Variants in SPTBN1 observed in about 807,000 individuals in gnomAD.
SPTBN1 encodes the protein spectrin beta, non-erythrocytic 1.
A neutral mutation model predicts 266.4 loss-of-function variants in SPTBN1; 32 were observed. That is an observed-to-expected ratio of 0.12 (90% CI 0.09 to 0.16). The LOEUF (loss-of-function observed/expected upper bound fraction) is 0.16. Among genes scored for constraint, SPTBN1 ranks in the 10% least tolerant of loss-of-function variants. SPTBN1 has a pLI of 1.00. For missense variants in SPTBN1, 2,296 were observed against 3,067.1 expected (o/e 0.75, Z 5.94); for synonymous variants, 1,336 against 1,162.2 (o/e 1.15, Z -3.04).
rs1196057367 is a variant in SPTBN1, at chr2:54,668,986, T to TG, written c.*419dup. 6 of 216,404 alleles carry TG rather than the reference T, an allele frequency of 2.8e-5. No individual in the cohort carries two copies. Among genetic ancestry groups the TG allele is most frequent in the Non-Finnish European group, 5.6e-5 (6 of 106,810 alleles). 13.4% of individuals were successfully genotyped at this position (216,404 alleles called of 1,614,324 possible). ...CCATTCTCTCTCCATTTACTTCTGG[T>TG]GGTTACCCTGACTCTTGACTCTTAG... On this transcript the variant is annotated 3_prime_UTR_variant, in exon 36 of 36. Coordinates refer to ENST00000356805, the MANE Select transcript of SPTBN1 (RefSeq NM_003128.3).
At chr2:54,529,634 G>A (rs749223442) in intron 2 of SPTBN1, 5 of 705,166 alleles carry the variant, frequency 7.1e-6, no homozygotes, top group Middle Eastern at 7.0e-4. Context: ...CAACACCCTT[G>A]TGTTCACTGT....
In SPTBN1 at chr2:54,631,592, A is replaced by C; in HGVS notation, c.3545A>C (p.Glu1182Ala). 6.2e-7 allele frequency: 1 copy of C among 1,611,544 alleles called. No individual in the cohort carries two copies. Among genetic ancestry groups the C allele is most frequent in the Non-Finnish European group, 8.5e-7 (1 of 1,178,520 alleles). Residue 1182 changes from glutamate (E) to alanine (A), a missense_variant, in exon 16 of 36, where the codon GAA becomes GCA. Physicochemically the swap from Glu to Ala is moderately radical, Grantham distance 107 (BLOSUM62 -1). Around this residue, in one of 12 missense-constraint regions of SPTBN1, gnomAD observed 386 missense variants for 486.1 expected, o/e 0.79. Transcript: ENST00000356805. The part of the protein sequence containing the change: ...QQFLRDTKQA[E>A]AFLNNQEYVL... ...TTCCTCAGAGACACGAAGCAAGCCG[A>C]AGCCTTTCTTAACAACCAGGTAAGG...
Position 54,645,538 on chromosome 2 carries a change from C to A in SPTBN1, c.4494+85C>A. 6.9e-7 allele frequency: 1 copy of A among 1,447,694 alleles called. No individual in the cohort carries two copies. Among genetic ancestry groups the A allele is most frequent in the Non-Finnish European group, 9.4e-7 (1 of 1,063,042 alleles). The allele number at this position is 1,447,694 out of a possible 1,614,324, so 89.7% of individuals were successfully genotyped here. A position where few individuals can be genotyped will look rare whatever the true frequency, so the allele number is the denominator to read the frequency against. ...CCCACATTCTCACTTCTCAGTCATC[C>A]TCACCTTGGGCCACGTTGGCAAGCT... On this transcript the variant is annotated intron_variant, in intron 21 of 35. Transcript: ENST00000356805. This position sits in a 1 kb window ranked among gnomAD's most constrained non-coding sequence, Gnocchi z 4.3.
In SPTBN1 at chr2:54,533,887, CTCTG is replaced by C. The variant is rs1236055773; in HGVS notation, c.148+7325_148+7328del. Among the ~76,000 whole-genome samples, 1 of 127,030 alleles carries C rather than the reference CTCTG, an allele frequency of 7.9e-6. No individual in the cohort carries two copies. The highest frequency in any genetic ancestry group is 3.2e-5 in the African/African-American group (1 of 31,054). The allele number at this position is 127,030 out of a possible 152,430, so 83.3% of individuals were successfully genotyped here. A position where few individuals can be genotyped will look rare whatever the true frequency, so the allele number is the denominator to read the frequency against. On this transcript the variant is annotated intron_variant, in intron 2 of 35. Coordinates refer to ENST00000356805, the MANE Select transcript of SPTBN1 (RefSeq NM_003128.3). This position sits in a 1 kb window ranked among gnomAD's most constrained non-coding sequence, Gnocchi z 4.2. ...TTTAGGGGGAAAGATTGATCTCTCT[CTCTG>C]TCTCTCTCTCACACACACACACACA...
intron 17 of SPTBN1, among the ~76,000 whole-genome samples, chr2:54,633,093 C>T (rs1420213992): frequency 6.6e-6 from 1 of 152,172 alleles, no homozygotes; most frequent in African/African-American, 2.4e-5. Context: ...GATTAACACA[C>T]GCTTGTGTCA....
chr2:54,466,178 A>T (rs1693621604), intron 1 of SPTBN1, among the ~76,000 whole-genome samples: 1 of 152,200 alleles, frequency 6.6e-6, no homozygotes, highest in Non-Finnish European at 1.5e-5. Context: ...CTGATTTTTA[A>T]TATACAAATT....
chr2:54,460,159 A>G (rs990127471), intron 1 of SPTBN1, among the ~76,000 whole-genome samples: 1 of 152,258 alleles, frequency 6.6e-6, no homozygotes, highest in African/African-American at 2.4e-5. Flanking sequence ...ATCGGAATCA[A>G]CATTTTAACA....
At chr2:54,518,293 G>A (rs910300717) in intron 1 of SPTBN1, among the ~76,000 whole-genome samples, 14 of 151,812 alleles carry the variant, frequency 9.2e-5, no homozygotes, top group African/African-American at 3.1e-4. Flanking sequence ...ATCACACACC[G>A]GGGCCTGTCA....
chr2:54,520,618 T>C (rs545505189), intron 1 of SPTBN1, among the ~76,000 whole-genome samples: 2 of 152,010 alleles, frequency 1.3e-5, no homozygotes, highest in African/African-American at 2.4e-5. Context: ...TTTCTACATA[T>C]TCCTTTTTAT....
At chr2:54,586,030 T>G (rs556237058) in intron 2 of SPTBN1, among the ~76,000 whole-genome samples, 1 of 152,334 alleles carries the variant, frequency 6.6e-6, no homozygotes, top group South Asian at 2.1e-4. Flanking sequence ...ACTTTAAAAT[T>G]CTTTAGTTTC....
chr2:54,620,273 C>T (rs189050103), intron 7 of SPTBN1, among the ~76,000 whole-genome samples: 1 of 152,256 alleles, frequency 6.6e-6, no homozygotes, highest in East Asian at 1.9e-4. Flanking sequence ...GACTATGTGT[C>T]CATACAAAGC....
chr2:54,516,755 T>C (rs2104258649), intron 1 of SPTBN1, among the ~76,000 whole-genome samples: 1 of 152,260 alleles, frequency 6.6e-6, no homozygotes, highest in African/African-American at 2.4e-5. Flanking sequence ...TTGTCAAGGT[T>C]AGGGACACAC....
chr2:54,486,163 G>A (rs576352639), intron 1 of SPTBN1, among the ~76,000 whole-genome samples: 61 of 148,852 alleles, frequency 4.1e-4, no homozygotes, highest in Non-Finnish European at 8.1e-4. Flanking sequence ...CTGCCCGGCC[G>A]CCCCTGCTGG....
At chr2:54,573,052 A>G (rs1314093564) in intron 2 of SPTBN1, among the ~76,000 whole-genome samples, 2 of 152,228 alleles carry the variant, frequency 1.3e-5, no homozygotes, top group Admixed American at 6.5e-5. Context: ...TTGTCATTAA[A>G]TGACTCTGAA....
intron 17 of SPTBN1, among the ~76,000 whole-genome samples, chr2:54,635,002 C>G (rs895725575): frequency 6.6e-6 from 1 of 152,214 alleles, no homozygotes; most frequent in Non-Finnish European, 1.5e-5. Context: ...AAAGCAAGAC[C>G]CTGTCTCACA....
chr2:54,619,456 A>G (rs1183516582), intron 7 of SPTBN1, among the ~76,000 whole-genome samples: 1 of 152,072 alleles, frequency 6.6e-6, no homozygotes, highest in African/African-American at 2.4e-5. Context: ...TAACTTGCTC[A>G]TTAGTTAATC....
At chr2:54,462,251 C>T (rs547553598) in intron 1 of SPTBN1, among the ~76,000 whole-genome samples, 5 of 152,298 alleles carry the variant, frequency 3.3e-5, no homozygotes, top group African/African-American at 1.2e-4. Flanking sequence ...CCCACTGATC[C>T]CTTTTGGTAT....
At chr2:54,479,831 A>G (rs977049301) in intron 1 of SPTBN1, among the ~76,000 whole-genome samples, 2 of 151,686 alleles carry the variant, frequency 1.3e-5, no homozygotes. Context: ...GCTTTCTATT[A>G]TCTTTATATT....
rs192841340 is a variant in SPTBN1 at position 54,656,021 on chromosome 2, T to G, written c.6046+23T>G. 3.6e-5 allele frequency: 58 copies of G among 1,589,864 alleles called. No homozygotes were observed. The East Asian group carries it at 1.3e-3, about 36-fold the overall frequency. On this transcript the variant is annotated intron_variant, in intron 29 of 35. Transcript: ENST00000356805. ...TGAGTAAGGATGTAGTTTATCTTTC[T>G]GCTCTTTTGGGTATCAATGGAAAAC...
Sources: allele counts gnomAD v4.1 joint callset (sites outside exome capture counted in the v4.1 genomes callset), GRCh38; gene constraint gnomAD v4.1.1; regional missense constraint gnomAD v4.1.1; non-coding constraint Gnocchi (gnomAD v3.1); transcripts MANE v1.5; gene names NCBI Gene and HGNC (gene_info 2026-07-23, HGNC 2026-07-21).